NRXN1: variants seen among roughly 807,000 people sequenced by gnomAD.
The protein encoded by NRXN1 is neurexin-1.
In NRXN1, 39 loss-of-function variants were observed where a neutral mutation model predicts 150.9. That is an observed-to-expected ratio of 0.26 (90% CI 0.20 to 0.34). The LOEUF is 0.34. Among genes scored for constraint, NRXN1 ranks in the 10% least tolerant of loss-of-function variants. NRXN1 has a pLI of 1.00. For synonymous variants in NRXN1, 924 were observed against 757.0 expected (o/e 1.22, Z -3.62); for missense variants, 1,815 against 1,949.9 (o/e 0.93, Z 1.30).
intron 5 of NRXN1, among the ~76,000 whole-genome samples, chr2:50,727,523 C>A (rs1468802525): frequency 6.6e-6 from 1 of 151,916 alleles, no homozygotes; most frequent in Non-Finnish European, 1.5e-5. Flanking sequence ...CAAAAACTAT[C>A]AAAAAATAGA....
intron 5 of NRXN1, among the ~76,000 whole-genome samples, chr2:50,853,426 A>G (rs1235386989): frequency 2.0e-5 from 3 of 152,110 alleles, no homozygotes; most frequent in African/African-American, 7.2e-5. Context: ...TATCCATGTC[A>G]CAAGTTTCAT....
At chr2:50,227,081 G>A (rs929916396) in intron 18 of NRXN1, among the ~76,000 whole-genome samples, 11 of 150,784 alleles carry the variant, frequency 7.3e-5, no homozygotes, top group African/African-American at 2.7e-4. Flanking sequence ...TGCCATCAGA[G>A]TTTAAATACT....
intron 5 of NRXN1, 90 bp downstream of exon 5, chr2:50,921,779 C>A: frequency 3.8e-6 from 2 of 533,024 alleles, no homozygotes; most frequent in South Asian, 6.9e-5. Flanking sequence ...TGCCCATTAC[C>A]AATGCCAAAA....
At chr2:50,054,076 G>A (rs1291995283) in intron 20 of NRXN1, among the ~76,000 whole-genome samples, 1 of 151,982 alleles carries the variant, frequency 6.6e-6, no homozygotes, top group Non-Finnish European at 1.5e-5. Flanking sequence ...ATTCTTTAGT[G>A]CTGTTTATTT....
At chr2:50,865,616 A>T (rs539178384) in intron 5 of NRXN1, among the ~76,000 whole-genome samples, 13 of 85,434 alleles carry the variant, frequency 1.5e-4, no homozygotes, top group East Asian at 8.5e-4. Context: ...GTGTGTGTGT[A>T]GTAGCACCTG....
rs71401059 is a variant in NRXN1 at position 50,132,306 on chromosome 2, C to CTTTT, written c.3547-40816_3547-40813dup. 6.6e-3 allele frequency among the ~76,000 whole-genome samples: 921 copies of CTTTT among 139,382 alleles called. 14 individuals carry two copies. Among genetic ancestry groups the CTTTT allele is most frequent in the Non-Finnish European group, 9.5e-3 (619 of 65,314 alleles). 91.4% of individuals were successfully genotyped at this position (139,382 alleles called of 152,430 possible). Reference sequence around the variant, plus strand: ...ATGCGATAGTTTATGTCCCAAAACTCTTTTTTTTTTTTTTTTTAAGATGGA... The same window carrying CTTTT: ...ATGCGATAGTTTATGTCCCAAAACTCTTTTTTTTTTTTTTTTTTTTTAAGATGGA... On this transcript the variant is annotated intron_variant, in intron 18 of 22. Coordinates refer to ENST00000401669, the MANE Select transcript of NRXN1 (RefSeq NM_001330078.2).
chr2:50,355,176 A>C (rs892544061), intron 17 of NRXN1, among the ~76,000 whole-genome samples: 4 of 151,342 alleles, frequency 2.6e-5, no homozygotes, highest in Non-Finnish European at 2.9e-5. Context: ...CATGCGATTC[A>C]AATTGAGTCT....
chr2:50,631,201 A>G (rs372972115), intron 5 of NRXN1: 5 of 406,278 alleles, frequency 1.2e-5, no homozygotes, highest in African/African-American at 8.9e-5. Flanking sequence ...GTAAATTCTG[A>G]GTCTAACTTC....
chr2:50,973,321 G>A (rs2104806151), intron 2 of NRXN1, among the ~76,000 whole-genome samples: 1 of 152,284 alleles, frequency 6.6e-6, no homozygotes, highest in African/African-American at 2.4e-5. Context: ...GAGGTGCAGA[G>A]ACATACATGA....
At chr2:50,765,695 G>A (rs1702308219) in intron 5 of NRXN1, among the ~76,000 whole-genome samples, 1 of 152,020 alleles carries the variant, frequency 6.6e-6, no homozygotes, top group African/African-American at 2.4e-5. Context: ...CACTTGCGCA[G>A]TAATTCAGCC....
At chr2:49,956,485 T>C (rs1674968001) in intron 21 of NRXN1, among the ~76,000 whole-genome samples, 2 of 152,176 alleles carry the variant, frequency 1.3e-5, no homozygotes, top group Admixed American at 1.3e-4. Context: ...TTTATTTTTC[T>C]CCTTTTCCCT....
At chr2:50,413,559 G>A (rs1293227984) in intron 17 of NRXN1, among the ~76,000 whole-genome samples, 1 of 152,124 alleles carries the variant, frequency 6.6e-6, no homozygotes, top group Non-Finnish European at 1.5e-5. Context: ...GTGGAGAAAA[G>A]GGAACCCTTG....
Position 50,648,370 on chromosome 2 carries a change from T to C in NRXN1, c.833-24755A>G, listed in dbSNP as rs541783393. Among the ~76,000 whole-genome samples, 56 of 152,172 alleles carry C rather than the reference T, an allele frequency of 3.7e-4. No homozygotes were observed. The South Asian group carries it at 9.1e-3, about 25-fold the overall frequency. On this transcript the variant is annotated intron_variant, in intron 5 of 22. Transcript: ENST00000401669. ...CCTTAGTAGTTCTATTTCTGAGTTA[T>C]ATTTTTAGCCAGGCTGACAAAATTT... is the stretch of plus-strand genomic sequence containing the variant.
intron 17 of NRXN1, among the ~76,000 whole-genome samples, chr2:50,241,507 G>T (rs114588603): frequency 0.01 from 1,535 of 151,788 alleles, 25 homozygotes; most frequent in African/African-American, 0.035. Flanking sequence ...CCATCAGATC[G>T]CTGAATGTAT....
At chr2:50,454,092 G>A (rs1053018649) in intron 17 of NRXN1, among the ~76,000 whole-genome samples, 12 of 152,016 alleles carry the variant, frequency 7.9e-5, no homozygotes, top group Non-Finnish European at 1.3e-4. Flanking sequence ...CTTTGAGGCC[G>A]AGGTGGGCAG....
At chr2:50,630,996 T>C (rs1682210624) in intron 5 of NRXN1, 4 of 381,296 alleles carry the variant, frequency 1.0e-5, no homozygotes, top group South Asian at 8.3e-5. Flanking sequence ...TCATATCAAA[T>C]TAAATCCTCA....
At chr2:50,335,663 C>T (rs533617587) in intron 17 of NRXN1, among the ~76,000 whole-genome samples, 3 of 152,302 alleles carry the variant, frequency 2.0e-5, no homozygotes, top group Non-Finnish European at 4.4e-5. Flanking sequence ...CCTGGTTTAA[C>T]TCCCACATGG....
intron 19 of NRXN1, 142 bp from the exon 20 acceptor site, chr2:50,055,186 A>C (rs1394326032): frequency 2.3e-5 from 13 of 560,980 alleles, no homozygotes; most frequent in Non-Finnish European, 1.3e-5. Context: ...AGAACATTTC[A>C]TGTTTCAGAC....
intron 2 of NRXN1, among the ~76,000 whole-genome samples, chr2:50,986,556 A>C (rs758945803): frequency 1.3e-5 from 2 of 151,732 alleles, no homozygotes; most frequent in African/African-American, 2.4e-5. Flanking sequence ...CTAAACATTA[A>C]CATAGTGAGA....
Sources: gnomAD v4.1 joint callset for allele counts (sites outside exome capture counted in the v4.1 genomes callset) on GRCh38, gnomAD v4.1.1 for gene constraint, MANE v1.5 for transcripts, NCBI Gene and HGNC (gene_info 2026-07-23, HGNC 2026-07-21) for gene names.